Variants in JAM3 observed in about 807,000 individuals in gnomAD.
JAM3 encodes the protein junctional adhesion molecule 3, also known as junctional adhesion molecule C.
A neutral mutation model predicts 39.4 loss-of-function variants in JAM3; 31 were observed. The ratio of observed to expected loss-of-function variants is 0.79; its 90% CI spans 0.59 to 1.06. JAM3 has a LOEUF of 1.06. Ranked by LOEUF, JAM3 falls within the 50% of genes least tolerant of loss-of-function variation. The pLI, the probability that JAM3 is intolerant of heterozygous loss-of-function variation, is 0.00. For synonymous variants in JAM3, 182 were observed against 148.7 expected (o/e 1.22, Z -1.63); for missense variants, 455 against 391.4 (o/e 1.16, Z -1.37).
chr11:134,102,932 C>A (rs576444551), intron 1 of JAM3, among the ~76,000 whole-genome samples: 3 of 152,290 alleles, frequency 2.0e-5, no homozygotes, highest in African/African-American at 7.2e-5. Flanking sequence ...AGTTGGAAAA[C>A]ACTCTGCAGG....
At chr11:134,143,258 CTTG>C (rs1943007743) in intron 3 of JAM3, among the ~76,000 whole-genome samples, 1 of 152,184 alleles carries the variant, frequency 6.6e-6, no homozygotes, top group African/African-American at 2.4e-5. Flanking sequence ...TATTGTCTGA[CTTG>C]TTAAGTTCTA....
At position 134,123,733 on chromosome 11, in the gene JAM3, T is replaced by C. The variant is rs544164460; in HGVS notation, c.77-16118T>C. On this transcript the variant is annotated intron_variant, in intron 1 of 8. Transcript: ENST00000299106. ...AGTAGTGAATCCATCACTACTTTGA[T>C]GACACAGGTAAGATTCCAGATTCAC... The C allele has an allele frequency of 1.9e-5, 11 of 594,088 alleles. No individual in the cohort carries two copies. The South Asian group carries it at 2.0e-4, about 11-fold the overall frequency. 36.8% of individuals were successfully genotyped at this position (594,088 alleles called of 1,614,324 possible). A position where few individuals can be genotyped will look rare whatever the true frequency, so the allele number is the denominator to read the frequency against.
In JAM3 at chr11:134,149,202, G is replaced by T; in HGVS notation, c.*21G>T. On this transcript the variant is annotated 3_prime_UTR_variant, in exon 9 of 9. Transcript: ENST00000299106. ...TCTGAGACCCGCGGTGTGGCTGAGA[G>T]CGCACAGAGCGCACGTGCACATACC... 1 of 1,613,912 alleles carries T rather than the reference G, an allele frequency of 6.2e-7. No homozygotes were observed. The highest frequency in any genetic ancestry group is 8.5e-7 in the Non-Finnish European group (1 of 1,179,830).
At chr11:134,146,689 T>C (rs1438997253) in intron 6 of JAM3, among the ~76,000 whole-genome samples, 2 of 152,000 alleles carry the variant, frequency 1.3e-5, no homozygotes, top group African/African-American at 4.8e-5. Flanking sequence ...CACCTCAGTC[T>C]CCTGAGTAGC....
At chr11:134,090,862 T>C (rs1445615298) in intron 1 of JAM3, among the ~76,000 whole-genome samples, 2 of 152,214 alleles carry the variant, frequency 1.3e-5, no homozygotes, top group African/African-American at 4.8e-5. Context: ...TCTGAACATG[T>C]ATACATACAC....
intron 1 of JAM3, among the ~76,000 whole-genome samples, chr11:134,124,967 GT>G (rs2120790558): frequency 6.6e-6 from 1 of 152,340 alleles, no homozygotes; most frequent in South Asian, 2.1e-4. Context: ...CCTCTCCTCA[GT>G]TACCTCTGCG....
At chr11:134,129,872 G>A (rs1026813437) in intron 1 of JAM3, among the ~76,000 whole-genome samples, 3 of 152,066 alleles carry the variant, frequency 2.0e-5, no homozygotes, top group Admixed American at 6.5e-5. Context: ...CGTGGTGGCA[G>A]GCGCCTACAG....
chr11:134,074,828 C>T (rs1028743897), intron 1 of JAM3, among the ~76,000 whole-genome samples: 17 of 152,178 alleles, frequency 1.1e-4, no homozygotes, highest in African/African-American at 3.4e-4. Flanking sequence ...AAGATGTTTC[C>T]CGAAGCACTC....
chr11:134,079,276 A>G (rs1412935589), intron 1 of JAM3, among the ~76,000 whole-genome samples: 1 of 152,220 alleles, frequency 6.6e-6, no homozygotes, highest in African/African-American at 2.4e-5. Flanking sequence ...TTGGAGAATT[A>G]TAGCTATTCC....
chr11:134,135,002 T>C (rs1055624917), intron 1 of JAM3, among the ~76,000 whole-genome samples: 1 of 152,182 alleles, frequency 6.6e-6, no homozygotes, highest in African/African-American at 2.4e-5. Context: ...TTTTTTTTGA[T>C]GAAGTCCAGT....
At chr11:134,120,844 C>T (rs760715397) in intron 1 of JAM3, among the ~76,000 whole-genome samples, 5 of 152,218 alleles carry the variant, frequency 3.3e-5, no homozygotes, top group African/African-American at 4.8e-5. Flanking sequence ...ACTAACATTA[C>T]CTCAATATCT....
intron 1 of JAM3, among the ~76,000 whole-genome samples, chr11:134,116,780 C>T (rs758452995): frequency 1.3e-5 from 2 of 151,784 alleles, no homozygotes; most frequent in South Asian, 2.1e-4. Context: ...GTATTTATAT[C>T]CACGTATACA....
intron 1 of JAM3, among the ~76,000 whole-genome samples, chr11:134,118,704 A>G (rs1047036689): frequency 6.6e-6 from 1 of 152,120 alleles, no homozygotes; most frequent in Non-Finnish European, 1.5e-5. Context: ...TTTGATGGTG[A>G]AAGTGTATAT....
At chr11:134,139,617 G>C in intron 1 of JAM3, 3 of 547,762 alleles carry the variant, frequency 5.5e-6, no homozygotes, top group Admixed American at 6.0e-5. Flanking sequence ...GGACTAAAAA[G>C]GAGAAGGAAT....
Position 134,148,815 on chromosome 11 carries a change from G to GGA in JAM3, c.896_897dup (p.Gly300ArgfsTer11). 2.5e-6 allele frequency: 4 copies of GGA among 1,614,090 alleles called. No individual in the cohort carries two copies. The highest frequency in any genetic ancestry group is 3.4e-6 in the Non-Finnish European group (4 of 1,179,980). ...GAGTTAACTACATCCGCACTGACGA[G>GGA]GAGGTAATCATTTAGTAAACCTGGA... On this transcript the variant is annotated frameshift_variant, in exon 8 of 9. Transcript: ENST00000299106. LOFTEE classifies it high-confidence loss of function.
chr11:134,107,433 TAACA>T (rs1374096041), intron 1 of JAM3, among the ~76,000 whole-genome samples: 5 of 151,920 alleles, frequency 3.3e-5, no homozygotes, highest in South Asian at 2.1e-4. Flanking sequence ...TATACATGTG[TAACA>T]AACCTGCACG....
chr11:134,110,263 G>T (rs1942284219), intron 1 of JAM3, among the ~76,000 whole-genome samples: 1 of 152,148 alleles, frequency 6.6e-6, no homozygotes, highest in Admixed American at 6.5e-5. Flanking sequence ...GATTAAAAAT[G>T]AAAAGATAGA....
At chr11:134,113,951 G>A (rs1027481024) in intron 1 of JAM3, among the ~76,000 whole-genome samples, 4 of 152,182 alleles carry the variant, frequency 2.6e-5, no homozygotes, top group African/African-American at 9.7e-5. Context: ...CAGTGATGAT[G>A]AGCATTTCTT....
chr11:134,085,790 T>C (rs1390940110), intron 1 of JAM3, among the ~76,000 whole-genome samples: 1 of 152,194 alleles, frequency 6.6e-6, no homozygotes, highest in Admixed American at 6.5e-5. Context: ...TACATACAAA[T>C]ATTCATTGAT....
Sources: allele counts gnomAD v4.1 joint callset (sites outside exome capture counted in the v4.1 genomes callset), GRCh38; gene constraint gnomAD v4.1.1; transcripts MANE v1.5; gene names NCBI Gene and HGNC (gene_info 2026-07-23, HGNC 2026-07-21).